The following PLEKHA7 variants were observed in gnomAD, a reference collection of about 807,000 sequenced individuals.
The protein encoded by PLEKHA7 is pleckstrin homology domain containing A7, also known as pleckstrin homology domain-containing family A member 7.
A neutral mutation model predicts 170.0 loss-of-function variants in PLEKHA7; 104 were observed. That is an observed-to-expected ratio of 0.61 (90% CI 0.52 to 0.72). The LOEUF (loss-of-function observed/expected upper bound fraction) is 0.72. PLEKHA7 is among the 30% of genes least tolerant of loss of function. The probability of loss-of-function intolerance (pLI) is 0.00; values close to 1 mark genes in which losing one functional copy is unlikely to be tolerated. For missense variants in PLEKHA7, 1,615 were observed against 1,671.7 expected (o/e 0.97, Z 0.59); for synonymous variants, 648 against 660.8 (o/e 0.98, Z 0.30).
intron 4 of PLEKHA7, among the ~76,000 whole-genome samples, chr11:16,858,021 T>C (rs1423040959): frequency 6.6e-6 from 1 of 152,244 alleles, no homozygotes; most frequent in Non-Finnish European, 1.5e-5. Flanking sequence ...ACCTGGCCTG[T>C]TTGGGATTTT....
chr11:16,897,086 C>T (rs1004935045), intron 3 of PLEKHA7, among the ~76,000 whole-genome samples: 1 of 152,106 alleles, frequency 6.6e-6, no homozygotes, highest in African/African-American at 2.4e-5. Context: ...CTGACAGTTG[C>T]CAAAGTCTCA....
rs1368887359 is a variant in PLEKHA7, at chr11:16,789,049, A to C, written c.3357+47T>G. The C allele has an allele frequency of 1.9e-6, 3 of 1,573,686 alleles. No individual in the cohort carries two copies. The highest frequency in any genetic ancestry group is 2.2e-4 in the Middle Eastern group (1 of 4,528). On this transcript the variant is annotated intron_variant, in intron 23 of 26. Transcript: ENST00000531066. The surrounding 1 kb of genome is among the most constrained non-coding windows in gnomAD (Gnocchi z 4.6). ...TTGTGTTTGGGGGACTCTGAGGGGCACTCGGCTCCCTGTCCCTGCCCCGCT... is the reference window on the plus strand; with the variant it reads ...TTGTGTTTGGGGGACTCTGAGGGGCCCTCGGCTCCCTGTCCCTGCCCCGCT...
intron 3 of PLEKHA7, among the ~76,000 whole-genome samples, chr11:16,886,628 T>C (rs1444030366): frequency 1.3e-5 from 2 of 151,654 alleles, no homozygotes; most frequent in Non-Finnish European, 2.9e-5. Flanking sequence ...GGAGAATTGC[T>C]TGAACCCAGG....
Position 16,789,367 on chromosome 11 carries a change from C to T in PLEKHA7, c.3157-71G>A. ...GGGCACGCAGAGGACAGCCACCCTG[C>T]TGGCTGCATTCCCGTTGTCTCTCTC... On this transcript the variant is annotated intron_variant, in intron 22 of 26. Transcript: ENST00000531066. This position sits in a 1 kb window ranked among gnomAD's most constrained non-coding sequence, Gnocchi z 4.6. 1 of 1,433,724 alleles carries T rather than the reference C, an allele frequency of 7.0e-7. No homozygotes were observed. The highest frequency in any genetic ancestry group is 9.7e-7 in the Non-Finnish European group (1 of 1,027,868). 88.8% of individuals were successfully genotyped at this position (1,433,724 alleles called of 1,614,324 possible). A position where few individuals can be genotyped will look rare whatever the true frequency, so the allele number is the denominator to read the frequency against.
chr11:16,897,400 C>G (rs1350921618), intron 3 of PLEKHA7, among the ~76,000 whole-genome samples: 1 of 151,976 alleles, frequency 6.6e-6, no homozygotes, highest in Non-Finnish European at 1.5e-5. Flanking sequence ...CTTCCTATAC[C>G]TCAATCATAT....
chr11:16,866,928 C>A (rs1854442813), intron 4 of PLEKHA7, among the ~76,000 whole-genome samples: 2 of 152,196 alleles, frequency 1.3e-5, no homozygotes, highest in African/African-American at 4.8e-5. Context: ...GTGGGGAGAT[C>A]TATCTGTTCA....
intron 3 of PLEKHA7, among the ~76,000 whole-genome samples, chr11:16,874,427 AG>A (rs1165517020): frequency 2.0e-5 from 3 of 151,274 alleles, no homozygotes; most frequent in Non-Finnish European, 4.4e-5. Flanking sequence ...GGATCACCCG[AG>A]CCCAGGAGTC....
intron 4 of PLEKHA7, among the ~76,000 whole-genome samples, chr11:16,864,626 G>A (rs1426552101): frequency 6.6e-6 from 1 of 152,152 alleles, no homozygotes; most frequent in Admixed American, 6.5e-5. Context: ...TCTTGTGATA[G>A]TGAGTAAGTC....
At chr11:16,909,524 A>T (rs1183066371) in intron 3 of PLEKHA7, among the ~76,000 whole-genome samples, 1 of 152,212 alleles carries the variant, frequency 6.6e-6, no homozygotes, top group Non-Finnish European at 1.5e-5. Flanking sequence ...CCTGCTCCCC[A>T]CCACACTCTC....
chr11:16,782,800 G>A lies in PLEKHA7; in HGVS notation c.3747C>T (p.Ser1249=), dbSNP rs994820319. 3.9e-6 allele frequency: 6 copies of A among 1,536,164 alleles called. 1 individual carries two copies. In the Admixed American group the frequency reaches 9.8e-5, roughly 25 times the overall value. Residue 1249 remains serine (S), a synonymous_variant, in exon 26 of 27, where the codon TCC becomes TCT. Coordinates refer to ENST00000531066, the MANE Select transcript of PLEKHA7 (RefSeq NM_001329630.2). ...LQEQERIINI[S]YALASEASQR... ...GGGAGGCCTCGGAGGCCAGGGCGTA[G>A]GAGATGTTGATGATGCGCTCCTGCT...
Position 16,979,714 on chromosome 11 carries a change from A to G in PLEKHA7, c.221+34275T>C, listed in dbSNP as rs188879694. ...CTGGCCCTACAAAGTCAGCAAGATT[A>G]AAAAAAAAAAAGACATATTTCCTCC... On this transcript the variant is annotated intron_variant, in intron 3 of 26. Transcript: ENST00000531066. Among the ~76,000 whole-genome samples, 453 of 139,956 alleles carry G rather than the reference A, an allele frequency of 3.2e-3. 3 individuals carry two copies. Among genetic ancestry groups the G allele is most frequent in the Middle Eastern group, 0.022 (6 of 268 alleles). The allele number at this position is 139,956 out of a possible 152,430, so 91.8% of individuals were successfully genotyped here. A position where few individuals can be genotyped will look rare whatever the true frequency, so the allele number is the denominator to read the frequency against.
At chr11:16,891,343 G>T (rs765108489) in intron 3 of PLEKHA7, among the ~76,000 whole-genome samples, 2 of 152,194 alleles carry the variant, frequency 1.3e-5, no homozygotes, top group Non-Finnish European at 2.9e-5. Flanking sequence ...GAAGACAGAG[G>T]CGGAGATTGG....
At chr11:16,940,281 G>GTTTTTTT (rs71047516) in intron 3 of PLEKHA7, among the ~76,000 whole-genome samples, 1 of 110,406 alleles carries the variant, frequency 9.1e-6, no homozygotes, top group Non-Finnish European at 1.9e-5. Context: ...TTCTTCTGCT[G>GTTTTTTT]TTTTTTTTTT....
At chr11:16,850,402 C>T (rs551256337) in intron 8 of PLEKHA7, among the ~76,000 whole-genome samples, 44 of 152,348 alleles carry the variant, frequency 2.9e-4, no homozygotes, top group South Asian at 1.0e-3. Flanking sequence ...TCTAGGACTT[C>T]CACTCCAACT....
chr11:17,006,865 T>C (rs1186641706), intron 3 of PLEKHA7, among the ~76,000 whole-genome samples: 2 of 152,172 alleles, frequency 1.3e-5, no homozygotes, highest in African/African-American at 2.4e-5. Context: ...AGGCCTGGTG[T>C]CTACAAAATC....
At chr11:16,951,411 A>G (rs1861399660) in intron 3 of PLEKHA7, among the ~76,000 whole-genome samples, 2 of 152,252 alleles carry the variant, frequency 1.3e-5, no homozygotes, top group Admixed American at 1.3e-4. Context: ...CATTCTACCA[A>G]GCACTTACCA....
At chr11:17,012,559 C>T (rs1253512289) in intron 3 of PLEKHA7, among the ~76,000 whole-genome samples, 1 of 152,204 alleles carries the variant, frequency 6.6e-6, no homozygotes, top group Non-Finnish European at 1.5e-5. Context: ...CTTATTTTAA[C>T]TTTCTGCACA....
In PLEKHA7 at chr11:16,813,593, G is replaced by A. The variant is rs144482427; in HGVS notation, c.1954-427C>T. 4.5e-3 allele frequency among the ~76,000 whole-genome samples: 678 copies of A among 152,342 alleles called. 8 individuals carry two copies. Among genetic ancestry groups the A allele is most frequent in the African/African-American group, 0.016 (653 of 41,582 alleles). Reference sequence around the variant, plus strand: ...GTCTGGATCACTTCACATGCATGAAGATGAAGCTCACTGGTGTGGGTGGAT... The same window carrying A: ...GTCTGGATCACTTCACATGCATGAAAATGAAGCTCACTGGTGTGGGTGGAT... On this transcript the variant is annotated intron_variant, in intron 12 of 26. Transcript: ENST00000531066.
intron 3 of PLEKHA7, among the ~76,000 whole-genome samples, chr11:16,929,436 A>G (rs1859774679): frequency 6.6e-6 from 1 of 152,212 alleles, no homozygotes; most frequent in Non-Finnish European, 1.5e-5. Flanking sequence ...GAGAGCATAT[A>G]CTGCATATAC....
Sources: allele counts gnomAD v4.1 joint callset (sites outside exome capture counted in the v4.1 genomes callset), GRCh38; gene constraint gnomAD v4.1.1; non-coding constraint Gnocchi (gnomAD v3.1); transcripts MANE v1.5; gene names NCBI Gene and HGNC (gene_info 2026-07-23, HGNC 2026-07-21).